The following RAB22A variants were observed in gnomAD, a reference collection of about 807,000 sequenced individuals.
The protein encoded by RAB22A is RAB22A, member RAS oncogene family, also known as ras-related protein Rab-22A.
A neutral mutation model predicts 30.2 loss-of-function variants in RAB22A; 13 were observed. The observed-to-expected ratio is 0.43, with a 90% CI of 0.28 to 0.68. RAB22A has a LOEUF of 0.68. Among genes scored for constraint, RAB22A ranks in the 30% least tolerant of loss-of-function variants. The pLI is 0.18. For missense variants in RAB22A, 177 were observed against 246.8 expected (o/e 0.72, Z 1.89); for synonymous variants, 89 against 87.2 (o/e 1.02, Z -0.11).
At chr20:58,345,353 G>A (rs1986928637) in intron 3 of RAB22A, 1 of 151,964 alleles carries the variant, frequency 6.6e-6, no homozygotes, top group African/African-American at 2.4e-5. Context: ...CTGCCACCAT[G>A]GTAGCAGAAG....
chr20:58,358,167 A>G (rs1428487677), intron 6 of RAB22A, among the ~76,000 whole-genome samples: 2 of 152,180 alleles, frequency 1.3e-5, no homozygotes, highest in Non-Finnish European at 2.9e-5. Flanking sequence ...GCAACCCTTG[A>G]GTTATCAGCC....
intron 2 of RAB22A, among the ~76,000 whole-genome samples, chr20:58,343,022 A>G (rs79748799): frequency 0.014 from 2,109 of 152,328 alleles, 25 homozygotes; most frequent in Non-Finnish European, 0.023. Flanking sequence ...TGGGCAGAGT[A>G]GCTCCCTGAA....
At chr20:58,319,242 A>T (rs1385404150) in intron 2 of RAB22A, among the ~76,000 whole-genome samples, 1 of 152,224 alleles carries the variant, frequency 6.6e-6, no homozygotes, top group Non-Finnish European at 1.5e-5. Context: ...CTAGAACAAC[A>T]TTGGACATAT....
intron 6 of RAB22A, among the ~76,000 whole-genome samples, chr20:58,355,820 G>C (rs577802860): frequency 1.1e-4 from 17 of 152,208 alleles, no homozygotes; most frequent in Admixed American, 8.5e-4. Flanking sequence ...GCAAAACCCT[G>C]TCTCTTAAAA....
chr20:58,320,498 T>C (rs1480579179), intron 2 of RAB22A, among the ~76,000 whole-genome samples: 1 of 152,226 alleles, frequency 6.6e-6, no homozygotes, highest in Non-Finnish European at 1.5e-5. Context: ...TTCTGAACTG[T>C]CCAGCTATAA....
intron 2 of RAB22A, among the ~76,000 whole-genome samples, chr20:58,334,925 T>A (rs1027218103): frequency 1.3e-5 from 2 of 152,226 alleles, no homozygotes; most frequent in Admixed American, 6.5e-5. Flanking sequence ...GTTTAACTAC[T>A]TTGGAAGACT....
chr20:58,316,563 C>T (rs1018284560), intron 2 of RAB22A, among the ~76,000 whole-genome samples: 2 of 152,142 alleles, frequency 1.3e-5, no homozygotes, highest in African/African-American at 4.8e-5. Flanking sequence ...ATTAAAATCA[C>T]CACCGTAGTG....
intron 2 of RAB22A, among the ~76,000 whole-genome samples, chr20:58,317,628 G>T (rs1214465326): frequency 6.9e-6 from 1 of 144,422 alleles, no homozygotes; most frequent in Non-Finnish European, 1.5e-5. Flanking sequence ...GCGCGATCTC[G>T]GCTCACTGCA....
At chr20:58,319,886 A>C (rs941652657) in intron 2 of RAB22A, among the ~76,000 whole-genome samples, 6 of 152,156 alleles carry the variant, frequency 3.9e-5, no homozygotes, top group Admixed American at 3.9e-4. Context: ...AGCTGTTCAT[A>C]TTCTTTTTCT....
chr20:58,356,263 A>G (rs1987128268), intron 6 of RAB22A, among the ~76,000 whole-genome samples: 1 of 151,670 alleles, frequency 6.6e-6, no homozygotes, highest in African/African-American at 2.4e-5. Flanking sequence ...GTGAGCCGAG[A>G]TCACGCCATT....
intron 2 of RAB22A, among the ~76,000 whole-genome samples, chr20:58,342,483 G>T (rs1482548785): frequency 1.3e-5 from 2 of 152,090 alleles, no homozygotes; most frequent in East Asian, 3.9e-4. Flanking sequence ...TCATCAGAAA[G>T]TCATCCTGTC....
rs1482665466 is a variant in RAB22A, at chr20:58,361,609, G to A, written c.*1906G>A. 6.6e-6 allele frequency: 1 copy of A among 152,134 alleles called. No individual in the cohort carries two copies. Among genetic ancestry groups the A allele is most frequent in the Non-Finnish European group, 1.5e-5 (1 of 68,030 alleles). 9.4% of individuals were successfully genotyped at this position (152,134 alleles called of 1,614,324 possible). A position where few individuals can be genotyped will look rare whatever the true frequency, so the allele number is the denominator to read the frequency against. ...ACCTAAAGTAGTTTGACTTTCTTCT[G>A]TATACATCCAGATGGATCCCAGGCA... is the stretch of plus-strand genomic sequence containing the variant. On this transcript the variant is annotated 3_prime_UTR_variant, in exon 7 of 7. Transcript: ENST00000244040.
At chr20:58,334,968 A>G (rs1986722701) in intron 2 of RAB22A, among the ~76,000 whole-genome samples, 1 of 152,234 alleles carries the variant, frequency 6.6e-6, no homozygotes, top group South Asian at 2.1e-4. Context: ...TTGTACAAAA[A>G]TGTTTATAGC....
intron 6 of RAB22A, 103 bp from the exon 7 acceptor site, chr20:58,359,495 CTTTTTTTT>C: frequency 3.0e-6 from 1 of 332,338 alleles, no homozygotes; most frequent in South Asian, 5.1e-5. Flanking sequence ...GTTTATTAAA[CTTTTTTTT>C]TTTTTTTTTT....
intron 2 of RAB22A, among the ~76,000 whole-genome samples, chr20:58,319,118 T>C (rs945370610): frequency 1.3e-5 from 2 of 152,174 alleles, no homozygotes; most frequent in African/African-American, 4.8e-5. Flanking sequence ...TGTCATTTGT[T>C]TCTAGGATGA....
chr20:58,330,842 G>C (rs73915833), intron 2 of RAB22A, among the ~76,000 whole-genome samples: 141 of 151,962 alleles, frequency 9.3e-4, no homozygotes, highest in African/African-American at 3.3e-3. Context: ...TCTTTTTTTG[G>C]CCTTCCAGCT....
At chr20:58,333,153 A>T (rs751887337) in intron 2 of RAB22A, among the ~76,000 whole-genome samples, 5 of 151,916 alleles carry the variant, frequency 3.3e-5, no homozygotes, top group Non-Finnish European at 5.9e-5. Flanking sequence ...GGTGGCGGGT[A>T]CGTGTAATGC....
At chr20:58,358,431 T>G (rs1358004152) in intron 6 of RAB22A, among the ~76,000 whole-genome samples, 1 of 152,232 alleles carries the variant, frequency 6.6e-6, no homozygotes, top group Non-Finnish European at 1.5e-5. Flanking sequence ...GACCTAGCTC[T>G]TCCACTCCGG....
At chr20:58,330,446 C>CTT (rs957313710) in intron 2 of RAB22A, among the ~76,000 whole-genome samples, 5 of 148,732 alleles carry the variant, frequency 3.4e-5, no homozygotes, top group African/African-American at 1.2e-4. Flanking sequence ...GTTACATCTA[C>CTT]TTTTTTTTTT....
Sources: gnomAD v4.1 joint callset for allele counts (sites outside exome capture counted in the v4.1 genomes callset) on GRCh38, gnomAD v4.1.1 for gene constraint, MANE v1.5 for transcripts, NCBI Gene and HGNC (gene_info 2026-07-23, HGNC 2026-07-21) for gene names.